LTBP1: variants seen among roughly 807,000 people sequenced by gnomAD.
LTBP1 encodes latent transforming growth factor beta binding protein 1, also known as latent-transforming growth factor beta-binding protein 1.
A neutral mutation model predicts 207.6 loss-of-function variants in LTBP1; 129 were observed. That is an observed-to-expected ratio of 0.62 (90% confidence interval 0.54 to 0.72). The LOEUF (loss-of-function observed/expected upper bound fraction) is 0.72. LTBP1 is among the 30% of genes least tolerant of loss of function. LTBP1 has a pLI of 0.00. For missense variants in LTBP1, 2,281 were observed against 2,217.2 expected, an observed-to-expected ratio of 1.03 and a Z score of -0.58; for synonymous variants, 963 against 833.7, an observed-to-expected ratio of 1.16 and a Z score of -2.67.
intron 2 of LTBP1, among the ~76,000 whole-genome samples, chr2:32,949,638 A>G (rs544673619): frequency 6.6e-6 from 1 of 152,358 alleles, no homozygotes; most frequent in South Asian, 2.1e-4. Flanking sequence ...GTTCTTCTTG[A>G]CGAATTGATG....
intron 3 of LTBP1, among the ~76,000 whole-genome samples, chr2:33,040,188 A>G (rs986263280): frequency 5.9e-5 from 9 of 152,178 alleles, no homozygotes; most frequent in African/African-American, 1.9e-4. Flanking sequence ...AGTAATCAGT[A>G]GTTAGTGAGA....
chr2:33,175,665 A>G (rs575175776), intron 5 of LTBP1, among the ~76,000 whole-genome samples: 3 of 152,306 alleles, frequency 2.0e-5, no homozygotes, highest in Non-Finnish European at 4.4e-5. Context: ...TATATACCCA[A>G]AGGACTATAA....
intron 31 of LTBP1, 75 bp downstream of exon 31, chr2:33,365,578 T>C (rs2150107110): frequency 6.9e-7 from 1 of 1,443,166 alleles, no homozygotes; most frequent in East Asian, 2.3e-5. Flanking sequence ...TAGCCTGACA[T>C]TTCTCTTCTG....
chr2:33,251,746 T>G lies in LTBP1; in HGVS notation c.2000-931T>G, dbSNP rs916405829. On this transcript the variant is annotated intron_variant, in intron 10 of 33. Coordinates refer to ENST00000404816, the MANE Select transcript of LTBP1 (RefSeq NM_206943.4). ...TCAGAAAACCTCATTTGTATGGTGATATGATAGAGAAGAGCTTTGGTTGGG... is the reference window on the plus strand; with the variant it reads ...TCAGAAAACCTCATTTGTATGGTGAGATGATAGAGAAGAGCTTTGGTTGGG... 2.0e-5 allele frequency among the ~76,000 whole-genome samples: 3 copies of G among 150,778 alleles called. No homozygotes were observed. The East Asian group carries it at 5.8e-4, about 29-fold the overall frequency.
Position 33,371,814 on chromosome 2 carries a change from C to T in LTBP1, c.4711+6311C>T, listed in dbSNP as rs191810770. ...GGTTTCAGTTACCCACAGTCAACCA[C>T]GGTCCGAAATATTAAGGGGAAAATT... On this transcript the variant is annotated intron_variant, in intron 31 of 33. Transcript: ENST00000404816. Among the ~76,000 whole-genome samples the T allele has an allele frequency of 9.8e-5, 15 of 152,302 alleles. No individual in the cohort carries two copies. In the East Asian group the frequency reaches 2.1e-3, roughly 22 times the overall value.
At chr2:33,249,653 A>C (rs1373726586) in intron 10 of LTBP1, among the ~76,000 whole-genome samples, 1 of 152,096 alleles carries the variant, frequency 6.6e-6, no homozygotes, top group Non-Finnish European at 1.5e-5. Flanking sequence ...AGCCAAGAGC[A>C]AAAAAATTAC....
chr2:33,044,038 G>T (rs376187730), intron 3 of LTBP1, among the ~76,000 whole-genome samples: 2 of 144,364 alleles, frequency 1.4e-5, no homozygotes, highest in South Asian at 2.2e-4. Flanking sequence ...ATTTCTGTTC[G>T]TTTTTTTTTT....
intron 7 of LTBP1, among the ~76,000 whole-genome samples, chr2:33,204,619 G>T (rs2089681811): frequency 6.6e-6 from 1 of 151,016 alleles, no homozygotes; most frequent in East Asian, 1.9e-4. Context: ...TCACTCTGTT[G>T]CCCAAGCTGG....
intron 13 of LTBP1, among the ~76,000 whole-genome samples, chr2:33,261,927 A>G (rs1573490821): frequency 6.6e-6 from 1 of 152,244 alleles, no homozygotes; most frequent in Non-Finnish European, 1.5e-5. Context: ...AAGTAACTCG[A>G]TGAGTACTTG....
intron 3 of LTBP1, among the ~76,000 whole-genome samples, chr2:33,077,663 C>G (rs2078158140): frequency 6.6e-6 from 1 of 152,160 alleles, no homozygotes; most frequent in African/African-American, 2.4e-5. Flanking sequence ...GGCCCCACCT[C>G]CAATATTGGG....
At chr2:32,951,104 G>A (rs1018280653) in intron 2 of LTBP1, among the ~76,000 whole-genome samples, 1 of 152,182 alleles carries the variant, frequency 6.6e-6, no homozygotes, top group Admixed American at 6.5e-5. Context: ...TGCTATGTTG[G>A]TTTAATCTTA....
intron 5 of LTBP1, among the ~76,000 whole-genome samples, chr2:33,141,266 G>A (rs1057228658): frequency 6.6e-6 from 1 of 152,224 alleles, no homozygotes; most frequent in African/African-American, 2.4e-5. Flanking sequence ...AAGTAGAATG[G>A]TGGTTGCCAG....
chr2:33,000,050 A>C lies in LTBP1; in HGVS notation c.566-20859A>C, dbSNP rs1190482052. 2.2e-5 allele frequency among the ~76,000 whole-genome samples: 3 copies of C among 134,392 alleles called. 1 individual carries two copies. Among genetic ancestry groups the C allele is most frequent in the African/African-American group, 7.8e-5 (3 of 38,520 alleles). 88.2% of individuals were successfully genotyped at this position (134,392 alleles called of 152,430 possible). ...TATCAGTAGGGCTTGGGAAGGACCC[A>C]GGAATTTGCATTGTTAACAAGTTCT... On this transcript the variant is annotated intron_variant, in intron 2 of 33. Transcript: ENST00000404816.
intron 4 of LTBP1, among the ~76,000 whole-genome samples, chr2:33,112,500 G>A (rs1384200043): frequency 6.6e-6 from 1 of 152,142 alleles, no homozygotes; most frequent in African/African-American, 2.4e-5. Context: ...CACAGTGGTG[G>A]TGTTCTCTGC....
At chr2:33,244,347 C>T (rs905419076) in intron 10 of LTBP1, among the ~76,000 whole-genome samples, 46 of 152,140 alleles carry the variant, frequency 3.0e-4, no homozygotes, top group Non-Finnish European at 8.8e-5. Context: ...TTAAACCCAC[C>T]AAAATGACCC....
chr2:33,043,932 A>T (rs2076316969), intron 3 of LTBP1, among the ~76,000 whole-genome samples: 1 of 152,066 alleles, frequency 6.6e-6, no homozygotes, highest in Admixed American at 6.6e-5. Flanking sequence ...GAGCCCTTGT[A>T]GAGGGTGGAG....
chr2:33,198,312 G>A (rs1573118257), intron 7 of LTBP1, among the ~76,000 whole-genome samples: 2 of 152,246 alleles, frequency 1.3e-5, no homozygotes, highest in East Asian at 3.9e-4. Context: ...GTATTTTTTT[G>A]AGGATTTTTG....
At chr2:33,024,809 C>G (rs951405433) in intron 3 of LTBP1, among the ~76,000 whole-genome samples, 4 of 152,182 alleles carry the variant, frequency 2.6e-5, no homozygotes, top group Non-Finnish European at 5.9e-5. Context: ...TGTAACAAAT[C>G]ACCCCAAAAC....
chr2:33,393,645 C>T (rs372770930), intron 32 of LTBP1, among the ~76,000 whole-genome samples: 6 of 152,218 alleles, frequency 3.9e-5, no homozygotes, highest in Admixed American at 2.6e-4. Flanking sequence ...GGCTGCATAG[C>T]ATTCCATGGT....
Sources: allele counts gnomAD v4.1 joint callset (sites outside exome capture counted in the v4.1 genomes callset), GRCh38; gene constraint gnomAD v4.1.1; transcripts MANE v1.5; gene names NCBI Gene and HGNC (gene_info 2026-07-23, HGNC 2026-07-21).